POTEM: variants seen among roughly 807,000 people sequenced by gnomAD.
POTEM encodes putative POTE ankyrin domain family member M.
For synonymous variants in POTEM, 8 were observed against 113.2 expected (o/e 0.07, Z 5.90); for missense variants, 24 against 343.0 (o/e 0.07, Z 7.35).
chr14:18,996,238 G>A (rs1891297633), intron 9 of POTEM, among the ~76,000 whole-genome samples: 1 of 151,444 alleles, frequency 6.6e-6, no homozygotes, highest in African/African-American at 2.4e-5. Context: ...CTCATACACA[G>A]ATAAAATTAA....
chr14:18,973,987 AG>A, intron 3 of POTEM, among the ~76,000 whole-genome samples: 1 of 19,608 alleles, frequency 5.1e-5, no homozygotes, highest in Non-Finnish European at 1.1e-4. Context: ...ACCCTTGAGC[AG>A]GGGGAATATC....
chr14:18,967,591 AG>A lies in POTEM; in HGVS notation c.111del (p.Ser38AlafsTer17), dbSNP rs1215634436. ...GTGCCGCCACTGCTTCCCCTGGTGC[AG>A]GGGGAGCGGCAAGAGCAACGTGGGC... ...KWCRHCFPWC[R>X]GSGKSNVGTS... is the part of the protein sequence containing the mutation. On this transcript the variant is annotated frameshift_variant, in exon 1 of 11. Coordinates refer to ENST00000547889, the MANE Select transcript of POTEM (RefSeq NM_001145442.1). LOFTEE classifies it high-confidence loss of function. The A allele has an allele frequency of 1.4e-6, 2 of 1,423,930 alleles. No homozygotes were observed. Among genetic ancestry groups the A allele is most frequent in the Admixed American group, 3.9e-5 (2 of 50,758 alleles). 88.2% of individuals were successfully genotyped at this position (1,423,930 alleles called of 1,614,324 possible). A position where few individuals can be genotyped will look rare whatever the true frequency, so the allele number is the denominator to read the frequency against.
intron 1 of POTEM, among the ~76,000 whole-genome samples, chr14:18,969,294 T>C (rs1340084040): frequency 7.0e-5 from 8 of 114,652 alleles, no homozygotes; most frequent in African/African-American, 7.2e-5. Flanking sequence ...CACATGTATA[T>C]ATATGTATAT....
At chr14:18,974,742 C>CTT (rs112378752) in intron 3 of POTEM, 32,948 of 179,280 alleles carry the variant, frequency 0.18, 793 homozygotes, top group East Asian at 0.26. Flanking sequence ...ATTAATCTGA[C>CTT]TTTTTTTTTT....
intron 4 of POTEM, chr14:18,977,238 G>A: frequency 1.4e-6 from 1 of 712,708 alleles, no homozygotes; most frequent in Non-Finnish European, 2.1e-6. Flanking sequence ...AGTAGCTTCT[G>A]CTATGCAATA....
In POTEM at chr14:18,967,854, C is replaced by T. The variant is rs754506001; in HGVS notation, c.369C>T (p.Tyr123=). 121 of 997,496 alleles carry T rather than the reference C, an allele frequency of 1.2e-4. 21 individuals are homozygous for T. The highest frequency in any genetic ancestry group is 2.8e-4 in the Middle Eastern group (1 of 3,602). The allele number at this position is 997,496 out of a possible 1,614,324, so 61.8% of individuals were successfully genotyped here. The change falls in exon 1 of 11, where the codon TAC becomes TAT. Residue 123 remains tyrosine (Y), a synonymous_variant. Coordinates refer to ENST00000547889, the MANE Select transcript of POTEM (RefSeq NM_001145442.1). ...GKSKVGPWGD[Y]DDSAFMEPRY... is the part of the protein sequence containing the mutation. Reference sequence around the variant, plus strand: ...GCAAAGTGGGCCCCTGGGGAGACTACGACGACAGCGCTTTCATGGAGCCGA... The same window carrying T: ...GCAAAGTGGGCCCCTGGGGAGACTATGACGACAGCGCTTTCATGGAGCCGA...
At chr14:18,985,619 T>A (rs1176692090) in intron 7 of POTEM, 138 bp downstream of exon 7, 2 of 439,544 alleles carry the variant, frequency 4.6e-6, no homozygotes, top group African/African-American at 5.0e-5. Flanking sequence ...TTTTTAAGAA[T>A]CTTTTGGCTG....
chr14:18,969,321 A>ATATATATACGTATATATATATATATG (rs1566537723), intron 1 of POTEM, among the ~76,000 whole-genome samples: 1 of 103,448 alleles, frequency 9.7e-6, no homozygotes, highest in Non-Finnish European at 1.8e-5. Context: ...ATATATGTAT[A>ATATATATACGTATATATATATATATG]TATATATATA....
intron 9 of POTEM, chr14:18,992,584 GA>G: frequency 2.3e-5 from 2 of 86,484 alleles, no homozygotes; most frequent in Admixed American, 1.5e-4. Context: ...TTACTTCTTA[GA>G]AAAAGGCCTA....
Position 19,002,396 on chromosome 14 carries a change from C to A in POTEM, c.*3731C>A, listed in dbSNP as rs1891395302. The stretch of plus-strand genomic sequence containing the variant: ...TTTAGGAATGCTGAGGTCAGACCAG[C>A]CACATCTCATGTGCAAGATTGCCCA... On this transcript the variant is annotated 3_prime_UTR_variant, in exon 11 of 11. Coordinates refer to ENST00000547889, the MANE Select transcript of POTEM (RefSeq NM_001145442.1). Among the ~76,000 whole-genome samples, 1 of 115,172 alleles carries A rather than the reference C, an allele frequency of 8.7e-6. No homozygotes were observed. Among genetic ancestry groups the A allele is most frequent in the African/African-American group, 3.4e-5 (1 of 29,666 alleles). The allele number at this position is 115,172 out of a possible 152,430, so 75.6% of individuals were successfully genotyped here. A position where few individuals can be genotyped will look rare whatever the true frequency, so the allele number is the denominator to read the frequency against.
Position 18,967,632 on chromosome 14 carries a change from C to G in POTEM, c.147C>G (p.His49Gln). The G allele has an allele frequency of 1.6e-6, 1 of 614,574 alleles. No homozygotes were observed. The highest frequency in any genetic ancestry group is 2.6e-6 in the Non-Finnish European group (1 of 390,176). The allele number at this position is 614,574 out of a possible 1,614,324, so 38.1% of individuals were successfully genotyped here. Residue 49 changes from histidine to glutamine, a missense_variant, in exon 1 of 11, where the codon CAC becomes CAG. Physicochemically the swap from His to Gln is conservative, Grantham distance 24 (BLOSUM62 0). Transcript: ENST00000547889. ...GCAACGTGGGCACTTCTGGAGACCA[C>G]GATGATTCTGCTATGAAGACACTCA... is the stretch of plus-strand genomic sequence containing the variant. Reference protein sequence around the residue: ...GKSNVGTSGDHDDSAMKTLRS... With the variant: ...GKSNVGTSGDQDDSAMKTLRS...
At chr14:18,975,549 A>T (rs1890944825) in intron 3 of POTEM, among the ~76,000 whole-genome samples, 1 of 143,092 alleles carries the variant, frequency 7.0e-6, no homozygotes, top group Admixed American at 7.0e-5. Flanking sequence ...AATGTTGGAA[A>T]ATTTTTTCAG....
Position 18,997,028 on chromosome 14 carries a change from A to ATT in POTEM, c.1410-6_1410-5dup. On this transcript the variant is annotated splice_polypyrimidine_tract_variant and intron_variant, in intron 9 of 10. Coordinates refer to ENST00000547889, the MANE Select transcript of POTEM (RefSeq NM_001145442.1). ...CACCTCCAGTATTTCATGAAAATTAATTTTTTTTCTAGTGATGAACAAAAT... is the reference window on the plus strand; with the variant it reads ...CACCTCCAGTATTTCATGAAAATTAATTTTTTTTTTCTAGTGATGAACAAAAT... The ATT allele has an allele frequency of 1.6e-6, 1 of 610,016 alleles. No homozygotes were observed. The highest frequency in any genetic ancestry group is 3.0e-6 in the Non-Finnish European group (1 of 329,022). 37.8% of individuals were successfully genotyped at this position (610,016 alleles called of 1,614,324 possible).
chr14:18,985,903 C>CA (rs1162516671), intron 7 of POTEM, among the ~76,000 whole-genome samples: 1,008 of 68,846 alleles, frequency 0.015, 7 homozygotes, highest in Admixed American at 0.045. Flanking sequence ...GACTCTGTGT[C>CA]AAAAAAAAAA....
intron 1 of POTEM, among the ~76,000 whole-genome samples, chr14:18,969,307 GTATATATATGTATATATATATATA>G (rs1214148195): frequency 8.8e-5 from 7 of 79,498 alleles, no homozygotes; most frequent in Admixed American, 8.8e-4. Context: ...ATGTATATAC[GTATATATATGTATATATATATATA>G]TACGTATATA....
chr14:18,996,093 T>C (rs1315759903), intron 9 of POTEM, among the ~76,000 whole-genome samples: 1 of 151,114 alleles, frequency 6.6e-6, no homozygotes, highest in East Asian at 1.9e-4. Flanking sequence ...TTTGACTTCC[T>C]CTTTTCCAAT....
rs71237803 is a variant in POTEM, at chr14:18,968,747, C to T, written c.521+741C>T. On this transcript the variant is annotated intron_variant, in intron 1 of 10. Coordinates refer to ENST00000547889, the MANE Select transcript of POTEM (RefSeq NM_001145442.1). Reference sequence around the variant, plus strand: ...CTGAGGCAGGAGAATGGCGTGAACCCGGGAGGCGGAGCTTGCAGTGAGCCG... The same window carrying T: ...CTGAGGCAGGAGAATGGCGTGAACCTGGGAGGCGGAGCTTGCAGTGAGCCG... Among the ~76,000 whole-genome samples, 23 of 152,274 alleles carry T rather than the reference C, an allele frequency of 1.5e-4. No homozygotes were observed. In the East Asian group the frequency reaches 2.5e-3, roughly 17 times the overall value.
At chr14:18,986,189 A>G (rs1188492012) in intron 7 of POTEM, among the ~76,000 whole-genome samples, 8 of 142,410 alleles carry the variant, frequency 5.6e-5, no homozygotes, top group African/African-American at 1.9e-4. Context: ...AGAATGTAAC[A>G]TCAATTATTG....
chr14:18,991,123 A>T (rs1459662905), intron 9 of POTEM, among the ~76,000 whole-genome samples: 23 of 128,562 alleles, frequency 1.8e-4, no homozygotes, highest in African/African-American at 5.6e-4. Context: ...ATGTCAGGTG[A>T]TCTGCCTGCC....
Sources: gnomAD v4.1 joint callset for allele counts (sites outside exome capture counted in the v4.1 genomes callset) on GRCh38, gnomAD v4.1.1 for gene constraint, MANE v1.5 for transcripts, NCBI Gene and HGNC (gene_info 2026-07-23, HGNC 2026-07-21) for gene names.